The following UBE3D variants were observed in gnomAD, a reference collection of about 807,000 sequenced individuals.
UBE3D encodes the protein ubiquitin protein ligase E3D.
UBE3D carries 48 observed loss-of-function variants against 49.6 expected under a neutral mutation model. That is an observed-to-expected ratio of 0.97 (90% CI 0.77 to 1.23). The LOEUF is 1.23. Among genes scored for constraint, UBE3D ranks in the 50% most tolerant of loss-of-function variants. The probability of loss-of-function intolerance (pLI) is 0.00; values close to 1 mark genes in which losing one functional copy is unlikely to be tolerated. For missense variants in UBE3D, 452 were observed against 468.4 expected (o/e 0.96, Z 0.32); for synonymous variants, 189 against 174.2 (o/e 1.08, Z -0.67).
intron 8 of UBE3D, among the ~76,000 whole-genome samples, chr6:82,980,470 GAT>G (rs1285722690): frequency 6.6e-6 from 1 of 151,928 alleles, no homozygotes. Flanking sequence ...GTAAATTCTG[GAT>G]ATTAGTCCTC....
chr6:82,888,448 A>T (rs1770928310), downstream of UBE3D, among the ~76,000 whole-genome samples: 1 of 152,148 alleles, frequency 6.6e-6, no homozygotes, highest in Non-Finnish European at 1.5e-5. Context: ...GAAATGTTAA[A>T]AAGGGATCAA....
chr6:83,030,682 T>C (rs1474536571), intron 5 of UBE3D, among the ~76,000 whole-genome samples: 2 of 152,006 alleles, frequency 1.3e-5, no homozygotes, highest in Non-Finnish European at 1.5e-5. Flanking sequence ...CAGGCAGAGG[T>C]TGGAACAGTT....
At chr6:83,034,759 G>A (rs1437527828) in intron 5 of UBE3D, among the ~76,000 whole-genome samples, 4 of 152,058 alleles carry the variant, frequency 2.6e-5, no homozygotes, top group African/African-American at 9.7e-5. Flanking sequence ...ATAGAACTGT[G>A]AGACAATTAA....
At chr6:82,895,387 G>T (rs181606810) in intron 9 of UBE3D, among the ~76,000 whole-genome samples, 110 of 152,252 alleles carry the variant, frequency 7.2e-4, no homozygotes, top group Non-Finnish European at 1.3e-3. Context: ...GTGATTTTGT[G>T]TACTGACGGG....
intron 9 of UBE3D, among the ~76,000 whole-genome samples, chr6:82,930,250 A>G (rs293514): frequency 0.67 from 102,327 of 152,098 alleles, 34,929 homozygotes; most frequent in East Asian, 0.79. Flanking sequence ...CTCCCCAGTC[A>G]TGCTGAACTG....
chr6:82,945,803 A>G (rs1052096198), intron 9 of UBE3D, among the ~76,000 whole-genome samples: 1 of 152,218 alleles, frequency 6.6e-6, no homozygotes, highest in African/African-American at 2.4e-5. Flanking sequence ...TATCAGATAA[A>G]TTTAACAAAT....
intron 8 of UBE3D, among the ~76,000 whole-genome samples, chr6:82,985,436 C>T (rs1454745548): frequency 6.6e-6 from 1 of 152,086 alleles, no homozygotes; most frequent in Admixed American, 6.6e-5. Flanking sequence ...AATCTCGGCT[C>T]ACTACAACCT....
At chr6:82,936,536 G>A (rs1774588535) in intron 9 of UBE3D, among the ~76,000 whole-genome samples, 1 of 151,990 alleles carries the variant, frequency 6.6e-6, no homozygotes, top group African/African-American at 2.4e-5. Flanking sequence ...CAGTTCTAAA[G>A]AGTCAAGATA....
intron 8 of UBE3D, among the ~76,000 whole-genome samples, chr6:83,013,283 T>G (rs1582637517): frequency 6.6e-6 from 1 of 152,300 alleles, no homozygotes; most frequent in East Asian, 1.9e-4. Context: ...GGCTAAGACC[T>G]GTTTCTCAAA....
At chr6:82,892,014 CA>C (rs34108279), downstream of UBE3D, among the ~76,000 whole-genome samples, 49,112 of 147,398 alleles carry the variant, frequency 0.33, 9,297 homozygotes, top group African/African-American at 0.52. Context: ...AATTCCATCT[CA>C]AAAAAAAAAA....
chr6:83,057,684 GC>G (rs1783898191), intron 2 of UBE3D, 141 bp downstream of exon 2: 1 of 743,972 alleles, frequency 1.3e-6, no homozygotes, highest in African/African-American at 1.8e-5. Flanking sequence ...ATTGCATACA[GC>G]CAATAACTGG....
chr6:83,061,078 C>T (rs1049126265), intron 1 of UBE3D, among the ~76,000 whole-genome samples: 3 of 152,156 alleles, frequency 2.0e-5, no homozygotes, highest in African/African-American at 7.2e-5. Context: ...TGGAACAAAG[C>T]AAAATCATGT....
chr6:83,022,273 C>T (rs1360925875), intron 7 of UBE3D, among the ~76,000 whole-genome samples, 180 bp downstream of exon 7: 2 of 152,152 alleles, frequency 1.3e-5, no homozygotes, highest in Admixed American at 1.3e-4. Flanking sequence ...GTGATCCACC[C>T]ACCTTGGCCT....
chr6:82,933,821 A>G (rs1774345509), intron 9 of UBE3D, among the ~76,000 whole-genome samples: 1 of 152,244 alleles, frequency 6.6e-6, no homozygotes, highest in South Asian at 2.1e-4. Flanking sequence ...ACTAATAGCT[A>G]TACTCAGAAA....
At chr6:82,881,794 C>A in the UBE3D span, among the ~76,000 whole-genome samples, 2 of 152,188 alleles carry the variant, frequency 1.3e-5, no homozygotes, top group African/African-American at 4.8e-5. Flanking sequence ...AGCTGTATGA[C>A]CTTAGGTAAG....
intron 9 of UBE3D, among the ~76,000 whole-genome samples, chr6:82,916,514 G>A (rs1261744654): frequency 6.6e-6 from 1 of 152,124 alleles, no homozygotes; most frequent in African/African-American, 2.4e-5. Flanking sequence ...TTAATAACTG[G>A]TAAATTATGT....
chr6:82,948,600 G>T (rs568240933), intron 9 of UBE3D, among the ~76,000 whole-genome samples: 76 of 151,938 alleles, frequency 5.0e-4, no homozygotes, highest in Non-Finnish European at 9.1e-4. Flanking sequence ...AAAGAATATT[G>T]ATTTAGAATT....
At chr6:82,999,642 C>T (rs1432077226) in intron 8 of UBE3D, among the ~76,000 whole-genome samples, 1 of 152,188 alleles carries the variant, frequency 6.6e-6, no homozygotes, top group Non-Finnish European at 1.5e-5. Flanking sequence ...ACCTCAGCCT[C>T]CCAAAGTGCT....
chr6:83,016,775 T>C (rs779491614), intron 8 of UBE3D, among the ~76,000 whole-genome samples: 1 of 152,086 alleles, frequency 6.6e-6, no homozygotes, highest in Non-Finnish European at 1.5e-5. Flanking sequence ...AGGCCATCTA[T>C]AAGCTGAGGA....
Sources: allele counts gnomAD v4.1 joint callset (sites outside exome capture counted in the v4.1 genomes callset), GRCh38; gene constraint gnomAD v4.1.1; transcripts MANE v1.5; gene names NCBI Gene and HGNC (gene_info 2026-07-23, HGNC 2026-07-21).